BMS1: variants seen among roughly 807,000 people sequenced by gnomAD.
BMS1 encodes the protein BMS1 ribosome biogenesis factor.
In BMS1, 53 loss-of-function variants were observed where a neutral mutation model predicts 138.7. That is an observed-to-expected ratio of 0.38 (90% CI 0.31 to 0.48). The LOEUF (loss-of-function observed/expected upper bound fraction) is 0.48, where lower values mean the gene tolerates loss of function less well. Ranked by LOEUF, BMS1 falls within the 20% of genes least tolerant of loss-of-function variation. BMS1 has a pLI of 0.97. For synonymous variants in BMS1, 504 were observed against 539.9 expected (o/e 0.93, Z 0.92); for missense variants, 1,360 against 1,565.5 (o/e 0.87, Z 2.22).
intron 13 of BMS1, among the ~76,000 whole-genome samples, chr10:42,815,622 T>TG (rs778814374): frequency 7.9e-5 from 12 of 152,166 alleles, no homozygotes; most frequent in Non-Finnish European, 1.6e-4. Context: ...AGTTCAGTGA[T>TG]GCAATTATGG....
Position 42,793,843 on chromosome 10 carries a change from T to A in BMS1, c.1090-9T>A, listed in dbSNP as rs748059664. 1 of 1,609,280 alleles carries A rather than the reference T, an allele frequency of 6.2e-7. No homozygotes were observed. The highest frequency in any genetic ancestry group is 1.3e-5 in the African/African-American group (1 of 74,624). ...TTCCTCACGTGCCCTTTCTTGGTGG[T>A]CTTGACAGGATGAAGTGGGGCCCAC... On this transcript the variant is annotated splice_polypyrimidine_tract_variant and intron_variant, in intron 8 of 22. Transcript: ENST00000374518.
chr10:42,802,263 C>A, intron 13 of BMS1, 45 bp downstream of exon 13: 2 of 1,536,480 alleles, frequency 1.3e-6, no homozygotes, highest in Non-Finnish European at 1.8e-6. Context: ...CTTCTCTAAA[C>A]TTTATTTTCT....
At position 42,831,260 on chromosome 10, in the gene BMS1, G is replaced by T. The variant is rs1842794865; in HGVS notation, c.*164G>T. 5.5e-6 allele frequency: 4 copies of T among 732,360 alleles called. No individual in the cohort carries two copies. In the South Asian group the frequency reaches 7.9e-5, roughly 14 times the overall value. 45.4% of individuals were successfully genotyped at this position (732,360 alleles called of 1,614,324 possible). ...GGAACAGAGAAGCCTGGGCTGCTGGGACTGGGTTCATTCTCATGACTTGGG... is the reference window on the plus strand; with the variant it reads ...GGAACAGAGAAGCCTGGGCTGCTGGTACTGGGTTCATTCTCATGACTTGGG... On this transcript the variant is annotated 3_prime_UTR_variant, in exon 23 of 23. Transcript: ENST00000374518.
At chr10:42,783,166 T>A (rs756955941) in intron 1 of BMS1, among the ~76,000 whole-genome samples, 3 of 152,078 alleles carry the variant, frequency 2.0e-5, no homozygotes, top group Non-Finnish European at 4.4e-5. Context: ...GAGAGAAACA[T>A]TAGTACAAGT....
intron 21 of BMS1, among the ~76,000 whole-genome samples, chr10:42,827,900 A>AT (rs1443802279): frequency 2.0e-5 from 3 of 152,042 alleles, no homozygotes; most frequent in East Asian, 1.9e-4. Flanking sequence ...CTTTTGAACT[A>AT]TTTTTTTCCC....
intron 21 of BMS1, 116 bp downstream of exon 21, chr10:42,823,900 C>T (rs577830146): frequency 3.4e-5 from 32 of 946,730 alleles, no homozygotes; most frequent in African/African-American, 2.3e-4. Flanking sequence ...TAAAGTCTAA[C>T]GTTAAATTTG....
intron 13 of BMS1, among the ~76,000 whole-genome samples, chr10:42,816,067 T>C (rs530697535): frequency 4.3e-4 from 66 of 152,112 alleles, no homozygotes; most frequent in Non-Finnish European, 7.2e-4. Context: ...TTTGGGAGGC[T>C]GAGGAGGGCA....
intron 12 of BMS1, among the ~76,000 whole-genome samples, chr10:42,799,966 C>A (rs1841817960): frequency 6.6e-6 from 1 of 152,038 alleles, no homozygotes; most frequent in Admixed American, 6.6e-5. Context: ...TTCTTGTATT[C>A]TGGATTTTGT....
intron 13 of BMS1, among the ~76,000 whole-genome samples, chr10:42,815,787 G>T (rs1842331309): frequency 6.6e-6 from 1 of 152,216 alleles, no homozygotes; most frequent in African/African-American, 2.4e-5. Flanking sequence ...GAGTGAATAA[G>T]CTCTTCCCAT....
chr10:42,796,573 T>C lies in BMS1; in HGVS notation c.1329T>C (p.Asp443=). ...ATGAAGATGAATCTGGAGATAGTGA[T>C]GATGAAGAAGATGATGAAATGTCTG... ...FGDEDESGDS[D]DEEDDEMSED... The change falls in exon 10 of 23, where the codon GAT becomes GAC. Residue 443 remains aspartate (D), a synonymous_variant. Transcript: ENST00000374518. 6.2e-7 allele frequency: 1 copy of C among 1,614,086 alleles called. No individual in the cohort carries two copies. Among genetic ancestry groups the C allele is most frequent in the Non-Finnish European group, 8.5e-7 (1 of 1,180,024 alleles).
intron 21 of BMS1, among the ~76,000 whole-genome samples, chr10:42,828,077 C>CA (rs1264177103): frequency 9.2e-5 from 14 of 152,192 alleles, no homozygotes; most frequent in Admixed American, 9.2e-4. Flanking sequence ...TGTAGCACAC[C>CA]AGCTGCCACG....
At position 42,797,101 on chromosome 10, in the gene BMS1, G is replaced by T; in HGVS notation, c.1857G>T (p.Lys619Asn). ...AGGCTATTAGAAAAAAGCTTTCAAA[G>T]CCTTCTCAAGTGAGCAGTGGTCAGA... ...NEEAIRKKLS[K>N]PSQVSSGQKL... Residue 619 changes from lysine to asparagine, a missense_variant, in exon 10 of 23, where the codon AAG becomes AAT. Coordinates refer to ENST00000374518, the MANE Select transcript of BMS1 (RefSeq NM_014753.4). 3 of 1,614,234 alleles carry T rather than the reference G, an allele frequency of 1.9e-6. No individual in the cohort carries two copies.
At chr10:42,792,356 G>A in intron 6 of BMS1, 137 bp from the exon 7 acceptor site, 2 of 1,191,668 alleles carry the variant, frequency 1.7e-6, no homozygotes, top group South Asian at 1.5e-5. Flanking sequence ...GGTGAATGGT[G>A]CCTCCTTATT....
At chr10:42,824,939 C>G (rs896697832) in intron 21 of BMS1, among the ~76,000 whole-genome samples, 15 of 152,142 alleles carry the variant, frequency 9.9e-5, no homozygotes, top group African/African-American at 3.1e-4. Context: ...CCAACTTTTT[C>G]TTTCACAGTA....
rs754249224 is a variant in BMS1 at position 42,820,546 on chromosome 10, C to G, written c.2808C>G (p.Leu936=). The stretch of plus-strand genomic sequence containing the variant: ...AACATCGCTGGTATAAGAAAATCCT[C>G]AAGTCCCGAGATCCAATCATATTTT... ...LKKHRWYKKI[L]KSRDPIIFSV... is the part of the protein sequence containing the mutation. The change falls in exon 17 of 23, where the codon CTC becomes CTG. Residue 936 remains leucine, a synonymous_variant. Coordinates refer to ENST00000374518, the MANE Select transcript of BMS1 (RefSeq NM_014753.4). The G allele has an allele frequency of 5.6e-6, 9 of 1,610,954 alleles. No homozygotes were observed. The South Asian group carries it at 9.9e-5, about 18-fold the overall frequency.
rs767197742 is a variant in BMS1, at chr10:42,830,983, G to A, written c.3736G>A (p.Glu1246Lys). 6.2e-7 allele frequency: 1 copy of A among 1,607,856 alleles called. No homozygotes were observed. The highest frequency in any genetic ancestry group is 8.5e-7 in the Non-Finnish European group (1 of 1,176,866). Residue 1246 changes from glutamate (E) to lysine (K), a missense_variant, in exon 23 of 23, where the codon GAG becomes AAG. By Grantham distance (56) the Glu-to-Lys change is moderately conservative (BLOSUM62 1). Around this residue, in one of 3 missense-constraint regions of BMS1, gnomAD observed 425 missense variants for 568.3 expected, o/e 0.75. Transcript: ENST00000374518. Reference sequence around the variant, plus strand: ...CAGAGCCAAGCAGAAGGAGGAGGAGGAGAAGCTGAAGCGGCAGAAGGACCT... The same window carrying A: ...CAGAGCCAAGCAGAAGGAGGAGGAGAAGAAGCTGAAGCGGCAGAAGGACCT... ...HFRAKQKEEE[E>K]KLKRQKDLRK...
intron 13 of BMS1, among the ~76,000 whole-genome samples, chr10:42,804,496 T>A (rs981555686): frequency 3.3e-5 from 5 of 152,188 alleles, no homozygotes; most frequent in African/African-American, 1.2e-4. Flanking sequence ...CATTTTTTCA[T>A]GTGCTTATTT....
chr10:42,796,514 A>T lies in BMS1; in HGVS notation c.1270A>T (p.Thr424Ser). 6.2e-7 allele frequency: 1 copy of T among 1,614,204 alleles called. No homozygotes were observed. Among genetic ancestry groups the T allele is most frequent in the South Asian group, 1.1e-5 (1 of 91,086 alleles). ...GGAGGAAAAACAAATGGACTTGAAC[A>T]CTGGTCGAATGCGTCGGAAAGCCAT... Reference protein sequence around the residue: ...PKEEKQMDLNTGRMRRKAIFG... With the variant: ...PKEEKQMDLNSGRMRRKAIFG... The change falls in exon 10 of 23, where the codon ACT becomes TCT. Residue 424 changes from threonine to serine, a missense_variant. By Grantham distance (58) the Thr-to-Ser change is moderately conservative (BLOSUM62 1). Around this residue, in one of 3 missense-constraint regions of BMS1, gnomAD observed 697 missense variants for 686.2 expected, o/e 1.02. Transcript: ENST00000374518.
In BMS1 at chr10:42,827,153, G is replaced by A. The variant is rs377584287; in HGVS notation, c.3457-3108G>A. Among the ~76,000 whole-genome samples, 80 of 152,168 alleles carry A rather than the reference G, an allele frequency of 5.3e-4. No homozygotes were observed. In the East Asian group the frequency reaches 0.013, roughly 25 times the overall value. On this transcript the variant is annotated intron_variant, in intron 21 of 22. Coordinates refer to ENST00000374518, the MANE Select transcript of BMS1 (RefSeq NM_014753.4). ...AGTGAGTTCAGCTTCCTAGACTCTC[G>A]TGTTTCCTCTCTTGCCATGTGAGCC...
Sources: allele counts gnomAD v4.1 joint callset (sites outside exome capture counted in the v4.1 genomes callset), GRCh38; gene constraint gnomAD v4.1.1; regional missense constraint gnomAD v4.1.1; transcripts MANE v1.5; gene names NCBI Gene and HGNC (gene_info 2026-07-23, HGNC 2026-07-21).